Variants in EIF2B3 observed in about 807,000 individuals in gnomAD.
EIF2B3 encodes eukaryotic translation initiation factor 2B subunit gamma.
EIF2B3 carries 20 observed loss-of-function variants against 54.1 expected under a neutral mutation model. The ratio of observed to expected loss-of-function variants is 0.37; its 90% confidence interval spans 0.26 to 0.54. EIF2B3 has a LOEUF of 0.54. EIF2B3 is among the 20% of genes least tolerant of loss of function. The probability of loss-of-function intolerance (pLI) is 0.86; values close to 1 mark genes in which losing one functional copy is unlikely to be tolerated. For missense variants in EIF2B3, 448 were observed against 547.8 expected (o/e 0.82, Z 1.82); for synonymous variants, 153 against 188.1 (o/e 0.81, Z 1.52).
At chr1:44,892,924 C>A (rs1267188243) in intron 6 of EIF2B3, among the ~76,000 whole-genome samples, 1 of 152,218 alleles carries the variant, frequency 6.6e-6, no homozygotes, top group Non-Finnish European at 1.5e-5. Context: ...GATGCCTGAA[C>A]TGAACAGTAA....
Position 44,850,722 on chromosome 1 carries a change from TG to T in EIF2B3, c.*228del. ...CACACAAGAGTTAGGCCACTGTATC[TG>T]TCCTGTCCCACACACTTGCTCCAGA... On this transcript the variant is annotated 3_prime_UTR_variant, in exon 12 of 12. Transcript: ENST00000360403. 1.7e-6 allele frequency: 1 copy of T among 581,498 alleles called. No homozygotes were observed. The highest frequency in any genetic ancestry group is 2.1e-5 in the South Asian group (1 of 47,646). 36.0% of individuals were successfully genotyped at this position (581,498 alleles called of 1,614,324 possible).
At chr1:44,932,386 T>A (rs1302134003) in intron 4 of EIF2B3, 2 of 152,096 alleles carry the variant, frequency 1.3e-5, no homozygotes, top group African/African-American at 4.8e-5. Flanking sequence ...TCAGGCCTAG[T>A]TAGTACTTGC....
At chr1:44,978,503 T>C in intron 2 of EIF2B3, 43 bp from the exon 3 acceptor site, 1 of 1,591,714 alleles carries the variant, frequency 6.3e-7, no homozygotes, top group Non-Finnish European at 8.5e-7. Flanking sequence ...AAAAACTTAC[T>C]CATATAGACA....
chr1:44,921,290 T>A (rs1643733559), intron 5 of EIF2B3, among the ~76,000 whole-genome samples: 1 of 152,234 alleles, frequency 6.6e-6, no homozygotes, highest in Non-Finnish European at 1.5e-5. Flanking sequence ...TGGTTATTAA[T>A]CCCTTGTCAG....
intron 5 of EIF2B3, among the ~76,000 whole-genome samples, chr1:44,916,384 G>T (rs1643622632): frequency 6.6e-6 from 1 of 151,468 alleles, no homozygotes; most frequent in Admixed American, 6.6e-5. Context: ...ACCATGCTTG[G>T]TTATTTTTTT....
At chr1:44,963,167 A>G (rs1300749599) in intron 3 of EIF2B3, among the ~76,000 whole-genome samples, 1 of 151,264 alleles carries the variant, frequency 6.6e-6, no homozygotes, top group Non-Finnish European at 1.5e-5. Context: ...GTGAGCTGAG[A>G]TCATGCCACT....
chr1:44,935,444 G>A (rs984498656), intron 4 of EIF2B3, among the ~76,000 whole-genome samples: 1 of 152,080 alleles, frequency 6.6e-6, no homozygotes, highest in East Asian at 1.9e-4. Flanking sequence ...TCTATGTGTC[G>A]TCTTTACTGT....
At chr1:44,867,353 C>T (rs1654813754) in intron 10 of EIF2B3, among the ~76,000 whole-genome samples, 1 of 152,132 alleles carries the variant, frequency 6.6e-6, no homozygotes, top group Non-Finnish European at 1.5e-5. Context: ...AATGCCAGAA[C>T]ATGAGAAAGA....
intron 5 of EIF2B3, among the ~76,000 whole-genome samples, chr1:44,918,788 A>G (rs192911188): frequency 1.3e-5 from 2 of 152,268 alleles, no homozygotes; most frequent in East Asian, 1.9e-4. Flanking sequence ...TTCATCATCA[A>G]CCCTGCTCCC....
intron 3 of EIF2B3, among the ~76,000 whole-genome samples, chr1:44,975,153 C>G (rs11211061): frequency 0.15 from 23,342 of 151,966 alleles, 1,901 homozygotes; most frequent in Non-Finnish European, 0.17. Context: ...GAGGTTGAGG[C>G]TGCAGTGAGC....
chr1:44,938,339 A>C (rs1557694786), intron 4 of EIF2B3, among the ~76,000 whole-genome samples: 1 of 151,386 alleles, frequency 6.6e-6, no homozygotes, highest in Non-Finnish European at 1.5e-5. Flanking sequence ...TGAGAAGTTT[A>C]AAATTTCATA....
chr1:44,980,360 A>G (rs1306642947), intron 2 of EIF2B3, among the ~76,000 whole-genome samples: 1 of 152,102 alleles, frequency 6.6e-6, no homozygotes, highest in Non-Finnish European at 1.5e-5. Context: ...GCTACACAGG[A>G]AGCTGAGGCA....
chr1:44,882,142 A>T (rs1196291588), intron 6 of EIF2B3, among the ~76,000 whole-genome samples: 3 of 152,240 alleles, frequency 2.0e-5, no homozygotes, highest in Non-Finnish European at 4.4e-5. Flanking sequence ...TACCAAGCAT[A>T]TGCGAGTTAC....
chr1:44,911,368 T>C (rs1411975634), intron 5 of EIF2B3, among the ~76,000 whole-genome samples: 1 of 152,220 alleles, frequency 6.6e-6, no homozygotes, highest in African/African-American at 2.4e-5. Flanking sequence ...AAATGCAGCC[T>C]AGTCTTAGGA....
intron 8 of EIF2B3, among the ~76,000 whole-genome samples, chr1:44,878,889 A>C (rs2148904176): frequency 6.6e-6 from 1 of 151,562 alleles, no homozygotes; most frequent in East Asian, 2.0e-4. Flanking sequence ...CTTCCAAGTA[A>C]CTGGGACTAC....
At chr1:44,977,933 G>A (rs1327709312) in intron 3 of EIF2B3, among the ~76,000 whole-genome samples, 4 of 152,164 alleles carry the variant, frequency 2.6e-5, no homozygotes, top group African/African-American at 9.7e-5. Context: ...CAGAAATAAA[G>A]TTTTGTAAAC....
At position 44,932,623 on chromosome 1, in the gene EIF2B3, G is replaced by T. The variant is rs1468190430; in HGVS notation, c.455-5884C>A. 2.0e-5 allele frequency among the ~76,000 whole-genome samples: 3 copies of T among 152,118 alleles called. No individual in the cohort carries two copies. The East Asian group carries it at 5.8e-4, about 29-fold the overall frequency. ...ACTTGAAGAACTTCGGAAACAAAAAGATCCTATAAGCTCCCCCTCCCATCC... is the reference window on the plus strand; with the variant it reads ...ACTTGAAGAACTTCGGAAACAAAAATATCCTATAAGCTCCCCCTCCCATCC... On this transcript the variant is annotated intron_variant, in intron 4 of 11. Coordinates refer to ENST00000360403, the MANE Select transcript of EIF2B3 (RefSeq NM_020365.5).
chr1:44,971,372 GAAA>G (rs35558705), intron 3 of EIF2B3, among the ~76,000 whole-genome samples: 2 of 118,050 alleles, frequency 1.7e-5, no homozygotes, highest in African/African-American at 2.9e-5. Flanking sequence ...TCCGTCTCCA[GAAA>G]AAAAAAAAAA....
intron 7 of EIF2B3, among the ~76,000 whole-genome samples, chr1:44,880,465 C>A (rs765277464): frequency 4.1e-4 from 63 of 152,298 alleles, no homozygotes; most frequent in Non-Finnish European, 4.6e-4. Context: ...CACAAGCCAG[C>A]ATCCAGGCTT....
Sources: allele counts gnomAD v4.1 joint callset (sites outside exome capture counted in the v4.1 genomes callset), GRCh38; gene constraint gnomAD v4.1.1; transcripts MANE v1.5; gene names NCBI Gene and HGNC (gene_info 2026-07-23, HGNC 2026-07-21).